The following XRN1 variants were observed in gnomAD, a reference collection of about 807,000 sequenced individuals.
The protein encoded by XRN1 is strand-exchange protein 1 homolog.
XRN1 carries 67 observed loss-of-function variants against 222.3 expected under a neutral mutation model. That is an observed-to-expected ratio of 0.30 (90% CI 0.25 to 0.37). The LOEUF is 0.37. Ranked by LOEUF, XRN1 falls within the 10% of genes least tolerant of loss-of-function variation. XRN1 has a pLI of 1.00. For synonymous variants in XRN1, 643 were observed against 652.4 expected (o/e 0.99, Z 0.22); for missense variants, 1,707 against 2,000.2 (o/e 0.85, Z 2.80).
intron 33 of XRN1, among the ~76,000 whole-genome samples, chr3:142,342,158 C>T (rs563411666): frequency 8.1e-4 from 124 of 152,170 alleles, no homozygotes; most frequent in African/African-American, 2.4e-3. Context: ...TATATGTTAA[C>T]GGCAAACAAT....
At chr3:142,361,152 C>T (rs550691697) in intron 29 of XRN1, among the ~76,000 whole-genome samples, 5 of 152,262 alleles carry the variant, frequency 3.3e-5, no homozygotes, top group South Asian at 2.1e-4. Context: ...GTGTATTCCT[C>T]GTTTGTCTGG....
At chr3:142,397,596 T>C in intron 19 of XRN1, 136 bp from the exon 20 acceptor site, 1 of 533,670 alleles carries the variant, frequency 1.9e-6, no homozygotes. Flanking sequence ...TAATGTAAAT[T>C]ACAAAACTAT....
chr3:142,417,131 T>C lies in XRN1; in HGVS notation c.1436+9A>G. On this transcript the variant is annotated intron_variant, in intron 13 of 40. Transcript: ENST00000392981. ...AGACAAAACTTTATTTTTGTTTTTA[T>C]TCTCTCACCAGCTCCAGGACTGAAC... is the stretch of plus-strand genomic sequence containing the variant. 6.2e-7 allele frequency: 1 copy of C among 1,602,464 alleles called. No homozygotes were observed. The highest frequency in any genetic ancestry group is 8.5e-7 in the Non-Finnish European group (1 of 1,173,456).
At chr3:142,330,446 C>T (rs914970092) in intron 36 of XRN1, among the ~76,000 whole-genome samples, 3 of 152,102 alleles carry the variant, frequency 2.0e-5, no homozygotes, top group Admixed American at 2.0e-4. Flanking sequence ...AGAACAAAAG[C>T]ATACCTCATT....
intron 39 of XRN1, among the ~76,000 whole-genome samples, chr3:142,316,445 G>A (rs2065214616): frequency 6.6e-6 from 1 of 151,762 alleles, no homozygotes; most frequent in Non-Finnish European, 1.5e-5. Context: ...GTTTTGCCAT[G>A]TTGCCCAGGC....
chr3:142,422,798 A>G, intron 7 of XRN1, 37 bp downstream of exon 7: 6 of 1,602,918 alleles, frequency 3.7e-6, no homozygotes, highest in South Asian at 1.1e-5. Context: ...AATTTCTGCA[A>G]TGGAAATCCT....
At chr3:142,397,777 C>T (rs1206426241) in intron 19 of XRN1, among the ~76,000 whole-genome samples, 1 of 151,952 alleles carries the variant, frequency 6.6e-6, no homozygotes, top group Admixed American at 6.6e-5. Flanking sequence ...GTAGGTTGAC[C>T]ACAGTTAACA....
At chr3:142,366,216 TAA>T (rs2066807290) in intron 27 of XRN1, among the ~76,000 whole-genome samples, 1 of 152,192 alleles carries the variant, frequency 6.6e-6, no homozygotes, top group Admixed American at 6.5e-5. Flanking sequence ...TAAAAAAATT[TAA>T]AGTTAATTCT....
At chr3:142,437,827 C>T (rs544284020) in intron 1 of XRN1, among the ~76,000 whole-genome samples, 2 of 152,196 alleles carry the variant, frequency 1.3e-5, no homozygotes, top group South Asian at 4.1e-4. Context: ...GAATATACAA[C>T]GAGCTCAAAC....
At position 142,412,480 on chromosome 3, in the gene XRN1, A is replaced by G. The variant is rs764582009; in HGVS notation, c.1713+64T>C. Reference sequence around the variant, plus strand: ...GGTGATTAAAACCCATTGCTCATTAACCTATGTGAAATAGTCTCTGATTAA... The same window carrying G: ...GGTGATTAAAACCCATTGCTCATTAGCCTATGTGAAATAGTCTCTGATTAA... On this transcript the variant is annotated intron_variant, in intron 15 of 40. Transcript: ENST00000392981. 4.1e-6 allele frequency: 6 copies of G among 1,455,734 alleles called. No homozygotes were observed. The Admixed American group carries it at 5.9e-5, about 14-fold the overall frequency. 90.2% of individuals were successfully genotyped at this position (1,455,734 alleles called of 1,614,324 possible). A position where few individuals can be genotyped will look rare whatever the true frequency, so the allele number is the denominator to read the frequency against.
intron 32 of XRN1, 152 bp from the exon 33 acceptor site, chr3:142,347,494 TG>T (rs1255845253): frequency 2.1e-6 from 1 of 485,852 alleles, no homozygotes; most frequent in Non-Finnish European, 3.4e-6. Flanking sequence ...TAAAGCCACT[TG>T]AACTCTATCA....
intron 20 of XRN1, among the ~76,000 whole-genome samples, chr3:142,392,938 C>T (rs879569860): frequency 6.7e-6 from 1 of 149,276 alleles, no homozygotes; most frequent in East Asian, 2.0e-4. Context: ...TACAGTCCCA[C>T]CAACAGTGTA....
At chr3:142,315,239 G>C (rs1174219957) in intron 39 of XRN1, among the ~76,000 whole-genome samples, 2 of 151,848 alleles carry the variant, frequency 1.3e-5, no homozygotes, top group Non-Finnish European at 2.9e-5. Context: ...TCAGCTATCT[G>C]TTTTCAAAGC....
rs766600672 is a variant in XRN1, at chr3:142,365,345, CCTT to C, written c.3223_3225del (p.Lys1075del). 3.4e-5 allele frequency: 54 copies of C among 1,573,374 alleles called. No homozygotes were observed. The Admixed American group carries it at 3.5e-4, about 10-fold the overall frequency. ...AAATGGGGTTTCACTGTTACTCGCA[CCTT>C]CTTATTATTCTTTCTTTGCTGAGGA... On this transcript the variant is annotated inframe_deletion, in exon 28 of 41. Transcript: ENST00000392981.
At chr3:142,326,704 C>A (rs2065526597) in intron 37 of XRN1, among the ~76,000 whole-genome samples, 1 of 152,014 alleles carries the variant, frequency 6.6e-6, no homozygotes, top group African/African-American at 2.4e-5. Flanking sequence ...TGTCTTGTTT[C>A]CAGAATTTAA....
At position 142,329,600 on chromosome 3, in the gene XRN1, T is replaced by C. The variant is rs773626865; in HGVS notation, c.4238A>G (p.Lys1413Arg). ...ATGGTACTCATTAGCACTGTGAGGC[T>C]TGTTCATATAAGATGCTACCAAAAA... ...QNKKLASYMN[K>R]PHSANEYHNV... Residue 1413 changes from lysine (K) to arginine (R), a missense_variant, in exon 37 of 41, where the codon AAG becomes AGG. This residue lies in a region of XRN1 where 473 missense variants were observed against 482.0 expected (regional missense o/e 0.98). Transcript: ENST00000392981. The C allele has an allele frequency of 5.8e-6, 9 of 1,544,372 alleles. No individual in the cohort carries two copies. Among genetic ancestry groups the C allele is most frequent in the East Asian group, 2.5e-5 (1 of 39,652 alleles).
intron 2 of XRN1, among the ~76,000 whole-genome samples, chr3:142,431,929 TATATTG>T (rs1176087876): frequency 1.5e-4 from 14 of 93,208 alleles, no homozygotes; most frequent in African/African-American, 5.9e-4. Flanking sequence ...TATAATATAA[TATATTG>T]TATATATTAT....
intron 39 of XRN1, among the ~76,000 whole-genome samples, chr3:142,314,005 T>A (rs528276091): frequency 6.6e-6 from 1 of 152,314 alleles, no homozygotes; most frequent in South Asian, 2.1e-4. Context: ...GCTAAGAAGG[T>A]CTATTTAAAA....
At position 142,311,351 on chromosome 3, in the gene XRN1, A is replaced by C; in HGVS notation, c.*160T>G. On this transcript the variant is annotated 3_prime_UTR_variant, in exon 41 of 41. Coordinates refer to ENST00000392981, the MANE Select transcript of XRN1 (RefSeq NM_001282857.2). ...TGCACAATTTGATACACAGTCTTTT[A>C]AACAGCATGAAAAGTGCCTGATAAC... The C allele has an allele frequency of 1.6e-6, 1 of 614,600 alleles. No individual in the cohort carries two copies. The allele number at this position is 614,600 out of a possible 1,614,324, so 38.1% of individuals were successfully genotyped here.
Sources: gnomAD v4.1 joint callset for allele counts (sites outside exome capture counted in the v4.1 genomes callset) on GRCh38, gnomAD v4.1.1 for gene constraint, gnomAD v4.1.1 regional missense constraint, MANE v1.5 for transcripts, NCBI Gene and HGNC (gene_info 2026-07-23, HGNC 2026-07-21) for gene names.